TRIM44: variants seen among roughly 807,000 people sequenced by gnomAD.
TRIM44 encodes the protein tripartite motif containing 44.
TRIM44 carries 13 observed loss-of-function variants against 37.4 expected under a neutral mutation model. The ratio of observed to expected loss-of-function variants is 0.35; its 90% confidence interval spans 0.23 to 0.55. TRIM44 has a LOEUF of 0.55. Among genes scored for constraint, TRIM44 ranks in the 20% least tolerant of loss-of-function variants. TRIM44 has a pLI of 0.89. For missense variants in TRIM44, 426 were observed against 437.2 expected (o/e 0.97, Z 0.23); for synonymous variants, 175 against 157.2 (o/e 1.11, Z -0.85).
chr11:35,685,167 T>G, intron 1 of TRIM44, 92 bp from the exon 2 acceptor site: 1 of 1,018,654 alleles, frequency 9.8e-7, no homozygotes, highest in South Asian at 1.4e-5. Flanking sequence ...AAGAAAAAAT[T>G]GCTTTCTATT....
In TRIM44 at chr11:35,726,107, G is replaced by T. The variant is rs1852171441; in HGVS notation, c.931G>T (p.Ala311Ser). ...SHMDRLMTQM[A>S]QAKEQLDTSN... is the part of the protein sequence containing the mutation. Reference sequence around the variant, plus strand: ...CATGGATAGGTTGATGACTCAGATGGCCCAAGCCAAGGAACAACTTGATAC... The same window carrying T: ...CATGGATAGGTTGATGACTCAGATGTCCCAAGCCAAGGAACAACTTGATAC... Residue 311 changes from alanine to serine, a missense_variant, in exon 3 of 5, where the codon GCC becomes TCC. By Grantham distance (99) the Ala-to-Ser change is moderately conservative. Around this residue, in one of 2 missense-constraint regions of TRIM44, gnomAD observed 95 missense variants for 134.2 expected, o/e 0.71. Coordinates refer to ENST00000299413, the MANE Select transcript of TRIM44 (RefSeq NM_017583.6). The T allele has an allele frequency of 1.9e-6, 3 of 1,614,090 alleles. No homozygotes were observed. Among genetic ancestry groups the T allele is most frequent in the Non-Finnish European group, 2.5e-6 (3 of 1,180,008 alleles).
rs116009198 is a variant in TRIM44 at position 35,721,498 on chromosome 11, C to T, written c.748-4426C>T. ...TGAGTGGATACCTGAAGTAACTAAGCGGTTAACTGAGATAGAGTTCCAGTG... is the reference window on the plus strand; with the variant it reads ...TGAGTGGATACCTGAAGTAACTAAGTGGTTAACTGAGATAGAGTTCCAGTG... On this transcript the variant is annotated intron_variant, in intron 2 of 4. Transcript: ENST00000299413. Among the ~76,000 whole-genome samples, 1,342 of 152,184 alleles carry T rather than the reference C, an allele frequency of 8.8e-3. 17 individuals carry two copies. The highest frequency in any genetic ancestry group is 0.03 in the African/African-American group (1,249 of 41,508).
At chr11:35,797,327 G>C (rs1853306749) in intron 4 of TRIM44, among the ~76,000 whole-genome samples, 1 of 152,018 alleles carries the variant, frequency 6.6e-6, no homozygotes, top group Admixed American at 6.5e-5. Flanking sequence ...AATAAATGAA[G>C]GAGAAGAGAC....
At chr11:35,718,267 T>C (rs1665164400) in intron 2 of TRIM44, among the ~76,000 whole-genome samples, 1 of 152,162 alleles carries the variant, frequency 6.6e-6, no homozygotes, top group African/African-American at 2.4e-5. Context: ...TTATCTTTCC[T>C]GGTCCATTTG....
In TRIM44 at chr11:35,663,080, C is replaced by CTT; in HGVS notation, c.-32_-31insTT. The CTT allele has an allele frequency of 6.7e-7, 1 of 1,488,270 alleles. No homozygotes were observed. The highest frequency in any genetic ancestry group is 8.9e-7 in the Non-Finnish European group (1 of 1,127,114). 92.2% of individuals were successfully genotyped at this position (1,488,270 alleles called of 1,614,324 possible). Reference sequence around the variant, plus strand: ...GGAAGGAAGGCGGCGAGCCCCGGGGCCCCGAGGCCTTGGCCGCGTCACAGC... The same window carrying CTT: ...GGAAGGAAGGCGGCGAGCCCCGGGGCTTCCCGAGGCCTTGGCCGCGTCACAGC... On this transcript the variant is annotated 5_prime_UTR_variant, in exon 1 of 5. Coordinates refer to ENST00000299413, the MANE Select transcript of TRIM44 (RefSeq NM_017583.6).
At chr11:35,756,545 G>A (rs1450482911) in intron 4 of TRIM44, among the ~76,000 whole-genome samples, 1 of 146,804 alleles carries the variant, frequency 6.8e-6, no homozygotes, top group Non-Finnish European at 1.5e-5. Flanking sequence ...ACACTATGTT[G>A]AATAGGAGTG....
chr11:35,744,580 G>A (rs1490316696), intron 4 of TRIM44, among the ~76,000 whole-genome samples: 2 of 151,582 alleles, frequency 1.3e-5, no homozygotes, highest in Non-Finnish European at 2.9e-5. Context: ...CAGTGTTTAA[G>A]TTCAGGGGTA....
rs74451512 is a variant in TRIM44, at chr11:35,665,911, TG to T, written c.669+2132del. 3.5e-3 allele frequency among the ~76,000 whole-genome samples: 523 copies of T among 150,782 alleles called. 4 individuals are homozygous for T. Among genetic ancestry groups the T allele is most frequent in the African/African-American group, 0.011 (468 of 41,104 alleles). ...CTATATATTTGTTTCTGATTTTTTT[TG>T]TTGTTCTTTCTATGTGGGTTGCAAA... On this transcript the variant is annotated intron_variant, in intron 1 of 4. Transcript: ENST00000299413.
chr11:35,704,578 C>T (rs1001409739), intron 2 of TRIM44, among the ~76,000 whole-genome samples: 6 of 152,206 alleles, frequency 3.9e-5, no homozygotes, highest in Non-Finnish European at 2.9e-5. Context: ...AGAAACTCTA[C>T]AAGCCAGAAG....
chr11:35,816,308 G>A lies in TRIM44; in HGVS notation c.*9923G>A, dbSNP rs1224620834. On this transcript the variant is annotated 3_prime_UTR_variant, in exon 5 of 5. Transcript: ENST00000299413. ...CAGAAGAGAAAATAAATAAGGTGTG[G>A]TGCGTATCCATCCTCTTCCCAACTC... The A allele has an allele frequency of 1.3e-5, 2 of 152,116 alleles. No homozygotes were observed. Among genetic ancestry groups the A allele is most frequent in the African/African-American group, 2.4e-5 (1 of 41,412 alleles). 9.4% of individuals were successfully genotyped at this position (152,116 alleles called of 1,614,324 possible).
chr11:35,776,158 G>A lies in TRIM44; in HGVS notation c.1008-30200G>A, dbSNP rs147916045. 6.0e-3 allele frequency among the ~76,000 whole-genome samples: 909 copies of A among 152,226 alleles called. 2 individuals carry two copies. The highest frequency in any genetic ancestry group is 8.9e-3 in the Non-Finnish European group (607 of 67,994). On this transcript the variant is annotated intron_variant, in intron 4 of 4. Transcript: ENST00000299413. ...GCCTCAATTTCAGAGCCTGTTATTG[G>A]TCTATTCAGGGATTCAACTTCTAGT...
intron 4 of TRIM44, among the ~76,000 whole-genome samples, chr11:35,799,071 C>A (rs530848782): frequency 6.6e-6 from 1 of 152,278 alleles, no homozygotes; most frequent in South Asian, 2.1e-4. Context: ...AGGACTCAGT[C>A]CTAAAGAAGG....
At chr11:35,743,397 A>T (rs773299084) in intron 4 of TRIM44, among the ~76,000 whole-genome samples, 1 of 152,206 alleles carries the variant, frequency 6.6e-6, no homozygotes, top group African/African-American at 2.4e-5. Context: ...TTCTTCCTCC[A>T]GTCACATCTC....
Position 35,813,110 on chromosome 11 carries a change from CACTT to C in TRIM44, c.*6729_*6732del, listed in dbSNP as rs1379453473. 1.3e-5 allele frequency: 2 copies of C among 152,184 alleles called. No homozygotes were observed. The highest frequency in any genetic ancestry group is 2.9e-5 in the Non-Finnish European group (2 of 68,034). The allele number at this position is 152,184 out of a possible 1,614,324, so 9.4% of individuals were successfully genotyped here. A position where few individuals can be genotyped will look rare whatever the true frequency, so the allele number is the denominator to read the frequency against. ...AAAGGAGCTTATCTGTTTTAAAGTTCACTTACTGAGTTCAGCTGTCACGGCCACA... is the reference window on the plus strand; with the variant it reads ...AAAGGAGCTTATCTGTTTTAAAGTTCACTGAGTTCAGCTGTCACGGCCACA... On this transcript the variant is annotated 3_prime_UTR_variant, in exon 5 of 5. Coordinates refer to ENST00000299413, the MANE Select transcript of TRIM44 (RefSeq NM_017583.6).
At chr11:35,802,622 T>C (rs1853385332) in intron 4 of TRIM44, among the ~76,000 whole-genome samples, 1 of 152,164 alleles carries the variant, frequency 6.6e-6, no homozygotes, top group African/African-American at 2.4e-5. Context: ...ACCCCAGTTT[T>C]AAGGCCACCA....
intron 4 of TRIM44, among the ~76,000 whole-genome samples, chr11:35,742,116 T>A (rs2135524850): frequency 6.6e-6 from 1 of 152,002 alleles, no homozygotes; most frequent in East Asian, 1.9e-4. Context: ...CTAATTTTTT[T>A]ATTTTTTGTA....
At chr11:35,789,795 T>C (rs1172308731) in intron 4 of TRIM44, among the ~76,000 whole-genome samples, 1 of 152,174 alleles carries the variant, frequency 6.6e-6, no homozygotes, top group Non-Finnish European at 1.5e-5. Context: ...GGCCCTGCAA[T>C]TGGGCCAATG....
chr11:35,754,154 GAGGT>G (rs1590570543), intron 4 of TRIM44, among the ~76,000 whole-genome samples: 1 of 152,176 alleles, frequency 6.6e-6, no homozygotes, highest in Non-Finnish European at 1.5e-5. Flanking sequence ...CTTTGTGTTA[GAGGT>G]AATCTTTCTT....
intron 2 of TRIM44, among the ~76,000 whole-genome samples, chr11:35,699,659 A>G (rs1035027590): frequency 3.3e-5 from 5 of 151,648 alleles, no homozygotes; most frequent in African/African-American, 1.2e-4. Context: ...GAGGAAGTCA[A>G]ATTGTCCCTG....
Sources: gnomAD v4.1 joint callset for allele counts (sites outside exome capture counted in the v4.1 genomes callset) on GRCh38, gnomAD v4.1.1 for gene constraint, gnomAD v4.1.1 regional missense constraint, MANE v1.5 for transcripts, NCBI Gene and HGNC (gene_info 2026-07-23, HGNC 2026-07-21) for gene names.